Variants in SSUH2 observed in about 807,000 individuals in gnomAD.
SSUH2 encodes ssu-2 homolog.
Under a neutral mutation model 55.3 loss-of-function variants are expected in SSUH2, and 47 were observed. The observed-to-expected ratio is 0.85, with a 90% CI of 0.67 to 1.08. The LOEUF (loss-of-function observed/expected upper bound fraction) is 1.08, where lower values mean the gene tolerates loss of function less well. Ranked by LOEUF, SSUH2 falls within the 50% of genes least tolerant of loss-of-function variation. The pLI is 0.00. For synonymous variants in SSUH2, 212 were observed against 191.5 expected, an observed-to-expected ratio of 1.11 and a Z score of -0.89; for missense variants, 535 against 490.7, an observed-to-expected ratio of 1.09 and a Z score of -0.85.
Position 8,633,747 on chromosome 3 carries a change from A to G in SSUH2, c.258T>C (p.Phe86=), listed in dbSNP as rs1415477063. 1.9e-6 allele frequency: 3 copies of G among 1,606,720 alleles called. No individual in the cohort carries two copies. The African/African-American group carries it at 4.0e-5, about 22-fold the overall frequency. The change falls in exon 4 of 12, where the codon TTT becomes TTC. Residue 86 remains phenylalanine (F), a synonymous_variant. Transcript: ENST00000544814. ...TGCTGTAGCAGCACTTAGAGTCCAC[A>G]AAGCTGAGGAGGGCTTCCCGGGCCA... is the stretch of plus-strand genomic sequence containing the variant. ...EEVAREALLS[F]VDSKCCYSST... is the part of the protein sequence containing the mutation.
intron 6 of SSUH2, among the ~76,000 whole-genome samples, chr3:8,662,412 A>C (rs1461386108): frequency 3.9e-5 from 6 of 152,196 alleles, no homozygotes; most frequent in African/African-American, 1.4e-4. Flanking sequence ...TCTCCCTCCC[A>C]GTGAATGGCA....
At chr3:8,662,835 G>A (rs1454626708) in intron 6 of SSUH2, among the ~76,000 whole-genome samples, 5 of 152,228 alleles carry the variant, frequency 3.3e-5, no homozygotes, top group South Asian at 4.1e-4. Flanking sequence ...TGACACCCAC[G>A]TGGCTGAAGA....
intron 7 of SSUH2, among the ~76,000 whole-genome samples, chr3:8,654,734 C>A (rs1476761095): frequency 6.6e-6 from 1 of 151,470 alleles, no homozygotes; most frequent in African/African-American, 2.4e-5. Flanking sequence ...TCCCCAAGGT[C>A]TCAGTGTGTG....
At chr3:8,678,129 C>A (rs1311887756) in intron 2 of SSUH2, among the ~76,000 whole-genome samples, 12 of 152,070 alleles carry the variant, frequency 7.9e-5, no homozygotes, top group African/African-American at 2.9e-4. Flanking sequence ...TTCTTCCCTC[C>A]AGGATCGTGG....
chr3:8,681,699 C>A (rs1179710978), intron 1 of SSUH2, among the ~76,000 whole-genome samples: 2 of 150,166 alleles, frequency 1.3e-5, no homozygotes, highest in Middle Eastern at 7.4e-3. Flanking sequence ...CTCTTAGGAC[C>A]CCCATCGCAG....
intron 1 of SSUH2, among the ~76,000 whole-genome samples, chr3:8,643,592 T>G (rs1361369582): frequency 6.6e-6 from 1 of 152,156 alleles, no homozygotes; most frequent in Non-Finnish European, 1.5e-5. Context: ...CTCTCTAAGT[T>G]TAGTATAGGT....
At chr3:8,654,271 A>G (rs1432102010) in intron 7 of SSUH2, among the ~76,000 whole-genome samples, 1 of 152,184 alleles carries the variant, frequency 6.6e-6, no homozygotes, top group East Asian at 1.9e-4. Context: ...AAACCTAATT[A>G]CGTCCTAAAG....
upstream of SSUH2, among the ~76,000 whole-genome samples, chr3:8,647,728 C>T (rs751662458): frequency 3.9e-5 from 6 of 152,228 alleles, no homozygotes; most frequent in Non-Finnish European, 8.8e-5. Context: ...CAGGCCCTGC[C>T]TCGGGCCCTC....
chr3:8,679,330 C>T (rs528137233), intron 2 of SSUH2, among the ~76,000 whole-genome samples: 1 of 78,528 alleles, frequency 1.3e-5, no homozygotes, highest in African/African-American at 3.6e-5. Context: ...GCCAGCCCCT[C>T]TTCCCGCCCC....
chr3:8,635,673 C>T (rs1699806597), intron 2 of SSUH2, 86 bp downstream of exon 2: 1 of 1,284,906 alleles, frequency 7.8e-7, no homozygotes. Flanking sequence ...GGAGCTATCT[C>T]AGCACCACCT....
At chr3:8,675,483 G>A (rs1705136225) in intron 3 of SSUH2, among the ~76,000 whole-genome samples, 1 of 152,214 alleles carries the variant, frequency 6.6e-6, no homozygotes. Flanking sequence ...CCCTACACCA[G>A]CACCTGGAGG....
intron 2 of SSUH2, among the ~76,000 whole-genome samples, chr3:8,679,211 G>GA (rs1705751657): frequency 2.0e-5 from 1 of 50,652 alleles, no homozygotes; most frequent in South Asian, 9.5e-4. Flanking sequence ...CATCGCAGGG[G>GA]GGATGGCACC....
rs745915878 is a variant in SSUH2, at chr3:8,625,528, C to T, written c.873+14G>A. 28 of 1,566,980 alleles carry T rather than the reference C, an allele frequency of 1.8e-5. No individual in the cohort carries two copies. In the East Asian group the frequency reaches 6.0e-4, roughly 34 times the overall value. Reference sequence around the variant, plus strand: ...ACCCAGCTTCCTTTGTTCCCATCTACAATGCCCTCTTACCACCGAGTTTTC... The same window carrying T: ...ACCCAGCTTCCTTTGTTCCCATCTATAATGCCCTCTTACCACCGAGTTTTC... On this transcript the variant is annotated intron_variant, in intron 10 of 11. Transcript: ENST00000544814.
intron 5 of SSUH2, among the ~76,000 whole-genome samples, chr3:8,664,148 G>C (rs1055236379): frequency 7.2e-5 from 11 of 152,338 alleles, no homozygotes; most frequent in African/African-American, 2.6e-4. Flanking sequence ...TTTCTCTAGG[G>C]AGAGAGGAAG....
chr3:8,625,319 G>A (rs1385269305), intron 10 of SSUH2, among the ~76,000 whole-genome samples: 1 of 151,968 alleles, frequency 6.6e-6, no homozygotes, highest in Non-Finnish European at 1.5e-5. Context: ...AAGGAAGAAC[G>A]GCATGGTGGG....
chr3:8,634,681 G>C, intron 3 of SSUH2: 1 of 957,440 alleles, frequency 1.0e-6, no homozygotes, highest in Non-Finnish European at 1.5e-6. Flanking sequence ...GGAGGAGAAG[G>C]GGGTTGCTTC....
At chr3:8,681,539 C>G (rs1376665123) in intron 1 of SSUH2, among the ~76,000 whole-genome samples, 1 of 136,342 alleles carries the variant, frequency 7.3e-6, no homozygotes, top group Non-Finnish European at 1.6e-5. Context: ...CCTGGCTCTT[C>G]GGACCCCCAT....
chr3:8,635,883 C>G lies in SSUH2; in HGVS notation c.29-26G>C. The G allele has an allele frequency of 1.3e-6, 2 of 1,532,454 alleles. 1 individual carries two copies. Among genetic ancestry groups the G allele is most frequent in the Middle Eastern group, 3.3e-4 (2 of 5,976 alleles). 94.9% of individuals were successfully genotyped at this position (1,532,454 alleles called of 1,614,324 possible). On this transcript the variant is annotated intron_variant, in intron 1 of 11. Transcript: ENST00000544814. ...CTGCAGAAAGACAAGCATTCCTAAG[C>G]CTTGGGTAGGGAGGCGAGGGCTGAT...
intron 1 of SSUH2, among the ~76,000 whole-genome samples, chr3:8,640,401 C>T (rs1220096021): frequency 6.6e-6 from 1 of 152,136 alleles, no homozygotes; most frequent in Non-Finnish European, 1.5e-5. Context: ...ACCCCCTCAC[C>T]TAACCCCTGC....
Sources: gnomAD v4.1 joint callset for allele counts (sites outside exome capture counted in the v4.1 genomes callset) on GRCh38, gnomAD v4.1.1 for gene constraint, MANE v1.5 for transcripts, NCBI Gene and HGNC (gene_info 2026-07-23, HGNC 2026-07-21) for gene names.